Variants in CMTM8 observed in about 807,000 individuals in gnomAD.
CMTM8 encodes the protein CKLF-like MARVEL transmembrane domain-containing protein 8.
CMTM8 carries 12 observed loss-of-function variants against 18.6 expected under a neutral mutation model. That is an observed-to-expected ratio of 0.65 (90% CI 0.41 to 1.05). The LOEUF (loss-of-function observed/expected upper bound fraction) is 1.05, where lower values mean the gene tolerates loss of function less well. Ranked by LOEUF, CMTM8 falls within the 50% of genes least tolerant of loss-of-function variation. The pLI, the probability that CMTM8 is intolerant of heterozygous loss-of-function variation, is 0.00. For missense variants in CMTM8, 217 were observed against 227.2 expected (o/e 0.95, Z 0.29); for synonymous variants, 87 against 90.6 (o/e 0.96, Z 0.23).
intron 1 of CMTM8, among the ~76,000 whole-genome samples, chr3:32,239,859 T>A (rs997071773): frequency 5.3e-5 from 8 of 152,196 alleles, no homozygotes; most frequent in Admixed American, 5.2e-4. Context: ...ACCAGGATCT[T>A]GTCAAGCCCT....
At chr3:32,354,786 TCTATTACCA>T in intron 1 of CMTM8, among the ~76,000 whole-genome samples, 1 of 152,314 alleles carries the variant, frequency 6.6e-6, no homozygotes, top group Non-Finnish European at 1.5e-5. Flanking sequence ...CTGCATTACA[TCTATTACCA>T]GTCTTACTGA....
chr3:32,304,035 C>T (rs989543807), intron 1 of CMTM8, among the ~76,000 whole-genome samples: 2 of 152,152 alleles, frequency 1.3e-5, no homozygotes, highest in African/African-American at 2.4e-5. Context: ...AGTCAAGGAT[C>T]GACAGATTTC....
At chr3:32,335,812 C>A (rs895785899) in intron 1 of CMTM8, among the ~76,000 whole-genome samples, 4 of 152,208 alleles carry the variant, frequency 2.6e-5, no homozygotes, top group African/African-American at 9.6e-5. Context: ...TGTATGTCTG[C>A]CAGGGCCCTT....
At chr3:32,343,540 T>C (rs1696539328) in intron 1 of CMTM8, among the ~76,000 whole-genome samples, 1 of 152,218 alleles carries the variant, frequency 6.6e-6, no homozygotes, top group South Asian at 2.1e-4. Context: ...CCTCTGACCT[T>C]CCAGACTTGG....
chr3:32,255,597 G>T (rs768594286), intron 1 of CMTM8, among the ~76,000 whole-genome samples: 4 of 152,134 alleles, frequency 2.6e-5, no homozygotes, highest in Admixed American at 6.5e-5. Flanking sequence ...GAAAGGGTTT[G>T]AAAGTGGTAA....
At chr3:32,304,715 C>A (rs1326474208) in intron 1 of CMTM8, among the ~76,000 whole-genome samples, 2 of 152,236 alleles carry the variant, frequency 1.3e-5, no homozygotes, top group East Asian at 3.8e-4. Flanking sequence ...AGGCAGAATT[C>A]TTTCAGCTTG....
At chr3:32,369,784 A>G (rs573463822) in intron 3 of CMTM8, 100 bp from the exon 4 acceptor site, 26 of 645,458 alleles carry the variant, frequency 4.0e-5, no homozygotes, top group Non-Finnish European at 6.8e-5. Flanking sequence ...TGGTATCAAG[A>G]AAAGGTAGTG....
chr3:32,311,890 G>A (rs1343121280), intron 1 of CMTM8, among the ~76,000 whole-genome samples: 8 of 152,204 alleles, frequency 5.3e-5, no homozygotes, highest in Admixed American at 5.2e-4. Context: ...CACAGGTAGA[G>A]AATTGCTTTG....
intron 1 of CMTM8, among the ~76,000 whole-genome samples, chr3:32,338,173 G>A (rs940306411): frequency 3.3e-5 from 5 of 151,888 alleles, no homozygotes; most frequent in African/African-American, 1.2e-4. Flanking sequence ...TAGCAGAGAC[G>A]GGGTTTCACC....
chr3:32,247,423 C>T (rs1419552390), intron 1 of CMTM8, among the ~76,000 whole-genome samples: 1 of 152,172 alleles, frequency 6.6e-6, no homozygotes, highest in Non-Finnish European at 1.5e-5. Flanking sequence ...AGCAGTTCAC[C>T]TGCATCAGTG....
chr3:32,286,804 G>C (rs1411125479), intron 1 of CMTM8, among the ~76,000 whole-genome samples: 1 of 152,208 alleles, frequency 6.6e-6, no homozygotes, highest in Non-Finnish European at 1.5e-5. Context: ...TTTTAAGAAA[G>C]CTTACAAATT....
chr3:32,267,663 C>G (rs1480519798), intron 1 of CMTM8, among the ~76,000 whole-genome samples: 1 of 152,092 alleles, frequency 6.6e-6, no homozygotes, highest in East Asian at 1.9e-4. Flanking sequence ...AGTGAACAGG[C>G]AACCCACAAA....
At chr3:32,369,839 G>C in intron 3 of CMTM8, 45 bp from the exon 4 acceptor site, 1 of 1,266,750 alleles carries the variant, frequency 7.9e-7, no homozygotes, top group Non-Finnish European at 1.1e-6. Flanking sequence ...TTGCTAATTA[G>C]GATGTGCCCT....
intron 1 of CMTM8, among the ~76,000 whole-genome samples, chr3:32,290,118 A>C (rs913545801): frequency 1.4e-5 from 2 of 141,420 alleles, no homozygotes; most frequent in Non-Finnish European, 3.1e-5. Context: ...TGTCTCAAAA[A>C]AAAGAAAAGA....
chr3:32,294,369 A>G (rs1702837039), intron 1 of CMTM8, among the ~76,000 whole-genome samples: 1 of 152,172 alleles, frequency 6.6e-6, no homozygotes, highest in Admixed American at 6.5e-5. Context: ...CTTCTTCTCT[A>G]TGAAACGTTT....
At chr3:32,261,888 A>G (rs1391871522) in intron 1 of CMTM8, among the ~76,000 whole-genome samples, 1 of 152,170 alleles carries the variant, frequency 6.6e-6, no homozygotes. Flanking sequence ...GGAAAGTAGA[A>G]TATTCATTGT....
At chr3:32,353,735 C>T (rs936710308) in intron 1 of CMTM8, among the ~76,000 whole-genome samples, 1 of 151,236 alleles carries the variant, frequency 6.6e-6, no homozygotes, top group African/African-American at 2.4e-5. Flanking sequence ...ATTTTTATAA[C>T]TGGCGGATAG....
chr3:32,251,277 C>T (rs1473914165), intron 1 of CMTM8, among the ~76,000 whole-genome samples: 1 of 152,076 alleles, frequency 6.6e-6, no homozygotes, highest in African/African-American at 2.4e-5. Flanking sequence ...TAAAGTTGAA[C>T]ATTTTAAATA....
At chr3:32,275,430 T>A (rs1467521847) in intron 1 of CMTM8, among the ~76,000 whole-genome samples, 2 of 152,104 alleles carry the variant, frequency 1.3e-5, no homozygotes, top group Non-Finnish European at 2.9e-5. Context: ...ATCTGTAAAA[T>A]ATGTCTAATA....
Sources: gnomAD v4.1 joint callset for allele counts (sites outside exome capture counted in the v4.1 genomes callset) on GRCh38, gnomAD v4.1.1 for gene constraint, MANE v1.5 for transcripts, NCBI Gene and HGNC (gene_info 2026-07-23, HGNC 2026-07-21) for gene names.